Variants in NR6A1 observed in about 807,000 individuals in gnomAD.
The protein encoded by NR6A1 is nuclear receptor subfamily 6 group A member 1, also known as retinoic acid receptor-related testis-associated receptor.
NR6A1 carries 7 observed loss-of-function variants against 59.1 expected under a neutral mutation model. That is an observed-to-expected ratio of 0.12 (90% CI 0.07 to 0.22). The LOEUF (loss-of-function observed/expected upper bound fraction) is 0.22, where lower values mean the gene tolerates loss of function less well. Ranked by LOEUF, NR6A1 falls within the 10% of genes least tolerant of loss-of-function variation. The pLI, the probability that NR6A1 is intolerant of heterozygous loss-of-function variation, is 1.00. For missense variants in NR6A1, 468 were observed against 611.6 expected (o/e 0.77, Z 2.48); for synonymous variants, 243 against 236.1 (o/e 1.03, Z -0.27).
chr9:124,764,780 C>T (rs1212524382), intron 1 of NR6A1, among the ~76,000 whole-genome samples: 1 of 152,196 alleles, frequency 6.6e-6, no homozygotes, highest in Non-Finnish European at 1.5e-5. Flanking sequence ...CTCACTTGGG[C>T]AGTGAGTGCA....
rs563749333 is a variant in NR6A1, at chr9:124,670,498, G to GTCTA, written c.142+62809_142+62810insTAGA. 6.1e-4 allele frequency among the ~76,000 whole-genome samples: 91 copies of GTCTA among 149,358 alleles called. 1 individual carries two copies. The South Asian group carries it at 0.018, about 30-fold the overall frequency. ...GGTCTAAAAAGCTAGGAAATGAAAA[G>GTCTA]TCTTAGTATTAAATTATTATATTCT... On this transcript the variant is annotated intron_variant, in intron 2 of 9. Transcript: ENST00000487099.
At chr9:124,720,683 G>GT (rs1364606743) in intron 2 of NR6A1, among the ~76,000 whole-genome samples, 1 of 152,190 alleles carries the variant, frequency 6.6e-6, no homozygotes, top group Non-Finnish European at 1.5e-5. Context: ...AAGAGGCAAA[G>GT]AGTGGTCCCG....
intron 2 of NR6A1, among the ~76,000 whole-genome samples, chr9:124,602,132 C>A (rs1835468603): frequency 6.6e-6 from 1 of 152,160 alleles, no homozygotes; most frequent in Admixed American, 6.5e-5. Context: ...GTGAGCTTTT[C>A]CTCCATTTAA....
chr9:124,680,187 C>T lies in NR6A1; in HGVS notation c.142+53121G>A, dbSNP rs556438356. ...GAATGTTCCAAAAAAGGAGCTATTT[C>T]TTACAAATAGCTACTAAATGCTGAA... On this transcript the variant is annotated intron_variant, in intron 2 of 9. Coordinates refer to ENST00000487099, the MANE Select transcript of NR6A1 (RefSeq NM_033334.4). Among the ~76,000 whole-genome samples, 3 of 151,832 alleles carry T rather than the reference C, an allele frequency of 2.0e-5. No homozygotes were observed. In the South Asian group the frequency reaches 6.2e-4, roughly 32 times the overall value.
At chr9:124,712,658 T>C (rs950493759) in intron 2 of NR6A1, among the ~76,000 whole-genome samples, 2 of 150,616 alleles carry the variant, frequency 1.3e-5, no homozygotes, top group East Asian at 1.9e-4. Context: ...GATTAAAACA[T>C]AGGTTTTGGC....
At chr9:124,548,811 A>G (rs2131373698) in intron 3 of NR6A1, among the ~76,000 whole-genome samples, 1 of 152,182 alleles carries the variant, frequency 6.6e-6, no homozygotes, top group South Asian at 2.1e-4. Flanking sequence ...GAAATTTTTT[A>G]TTTTTTCACA....
At chr9:124,576,534 A>G (rs1219507616) in intron 2 of NR6A1, among the ~76,000 whole-genome samples, 2 of 152,162 alleles carry the variant, frequency 1.3e-5, no homozygotes, top group African/African-American at 4.8e-5. Context: ...TGATCTGCCC[A>G]CCTTGGCCTC....
chr9:124,561,561 A>G (rs187275803), intron 2 of NR6A1, among the ~76,000 whole-genome samples: 2 of 152,244 alleles, frequency 1.3e-5, no homozygotes, highest in African/African-American at 4.8e-5. Context: ...TTTGCAAAGT[A>G]TAAGTGTTAG....
chr9:124,537,457 A>C (rs1833302561), intron 6 of NR6A1, among the ~76,000 whole-genome samples: 1 of 152,150 alleles, frequency 6.6e-6, no homozygotes, highest in Admixed American at 6.5e-5. Flanking sequence ...CCTCTTCTGA[A>C]ACTGGAGACT....
intron 3 of NR6A1, among the ~76,000 whole-genome samples, chr9:124,550,698 T>G (rs1259941565): frequency 6.6e-6 from 1 of 151,752 alleles, no homozygotes; most frequent in African/African-American, 2.4e-5. Context: ...CTTCTACATT[T>G]ATATTTATAT....
intron 2 of NR6A1, among the ~76,000 whole-genome samples, chr9:124,605,982 C>T (rs1319574010): frequency 2.0e-5 from 3 of 152,060 alleles, no homozygotes; most frequent in Non-Finnish European, 4.4e-5. Flanking sequence ...TCTGCATCAC[C>T]TTCCTGCAAT....
chr9:124,770,574 G>A (rs926195738), intron 1 of NR6A1, among the ~76,000 whole-genome samples: 1 of 150,476 alleles, frequency 6.6e-6, no homozygotes, highest in African/African-American at 2.5e-5. Flanking sequence ...GGGAACCCGA[G>A]TGAGGGGATG....
At chr9:124,742,224 G>GCTCTAAAATTT (rs1373502489) in intron 1 of NR6A1, among the ~76,000 whole-genome samples, 5 of 152,094 alleles carry the variant, frequency 3.3e-5, no homozygotes, top group Non-Finnish European at 7.4e-5. Context: ...CAATACAGGG[G>GCTCTAAAATTT]CTCTAAAATT....
chr9:124,713,430 C>T (rs771355640), intron 2 of NR6A1, among the ~76,000 whole-genome samples: 2 of 151,998 alleles, frequency 1.3e-5, no homozygotes, highest in African/African-American at 2.4e-5. Context: ...TTTTGTGCAT[C>T]GACGGACACA....
chr9:124,745,987 CAAAAAAAAAAAA>C (rs755252377), intron 1 of NR6A1, among the ~76,000 whole-genome samples: 10 of 58,430 alleles, frequency 1.7e-4, no homozygotes, highest in Admixed American at 1.2e-3. Flanking sequence ...GACTCTGTCT[CAAAAAAAAAAAA>C]AAAAAAAAAA....
At chr9:124,534,868 C>T (rs1156832553) in intron 7 of NR6A1, among the ~76,000 whole-genome samples, 6 of 152,234 alleles carry the variant, frequency 3.9e-5, no homozygotes, top group Admixed American at 2.6e-4. Flanking sequence ...CAGTGGCTCA[C>T]GCCTGTAATC....
chr9:124,748,559 G>C (rs990183584), intron 1 of NR6A1, among the ~76,000 whole-genome samples: 4 of 152,082 alleles, frequency 2.6e-5, no homozygotes, highest in Admixed American at 6.6e-5. Flanking sequence ...CTAAAAATGG[G>C]AACAAAAGAA....
chr9:124,638,570 TG>T (rs1378744488), intron 2 of NR6A1, among the ~76,000 whole-genome samples: 1 of 152,190 alleles, frequency 6.6e-6, no homozygotes, highest in Non-Finnish European at 1.5e-5. Flanking sequence ...ACTAGTGCAA[TG>T]CTTTGTAAAA....
intron 2 of NR6A1, among the ~76,000 whole-genome samples, chr9:124,588,041 C>T (rs1834986422): frequency 6.6e-6 from 1 of 152,142 alleles, no homozygotes; most frequent in Non-Finnish European, 1.5e-5. Flanking sequence ...CAGCTCCTCA[C>T]AAGACATTTA....
Sources: gnomAD v4.1 joint callset for allele counts (sites outside exome capture counted in the v4.1 genomes callset) on GRCh38, gnomAD v4.1.1 for gene constraint, MANE v1.5 for transcripts, NCBI Gene and HGNC (gene_info 2026-07-23, HGNC 2026-07-21) for gene names.